The following VWA3B variants were observed in gnomAD, a reference collection of about 807,000 sequenced individuals.
VWA3B encodes the protein von Willebrand factor A domain containing 3B, also known as von Willebrand factor A domain-containing protein 3B.
In VWA3B, 138 loss-of-function variants were observed where a neutral mutation model predicts 158.3. That is an observed-to-expected ratio of 0.87 (90% CI 0.76 to 1.00). The LOEUF (loss-of-function observed/expected upper bound fraction) is 1.00. Ranked by LOEUF, VWA3B falls within the 50% of genes least tolerant of loss-of-function variation. The pLI is 0.00. For missense variants in VWA3B, 1,555 were observed against 1,565.1 expected, an observed-to-expected ratio of 0.99 and a Z score of 0.11; for synonymous variants, 596 against 587.3, an observed-to-expected ratio of 1.01 and a Z score of -0.21.
chr2:98,189,782 G>A (rs943242703), intron 10 of VWA3B, among the ~76,000 whole-genome samples: 2 of 152,086 alleles, frequency 1.3e-5, no homozygotes, highest in South Asian at 4.2e-4. Flanking sequence ...ATGTTCTCTC[G>A]ATGAACCAAC....
At chr2:98,275,984 A>G (rs758264256) in intron 22 of VWA3B, among the ~76,000 whole-genome samples, 24 of 152,242 alleles carry the variant, frequency 1.6e-4, no homozygotes, top group Non-Finnish European at 3.1e-4. Context: ...TAGTTTGTGC[A>G]GTGGCATCAC....
At chr2:98,174,492 C>G (rs1207341197) in intron 8 of VWA3B, among the ~76,000 whole-genome samples, 1 of 152,194 alleles carries the variant, frequency 6.6e-6, no homozygotes, top group African/African-American at 2.4e-5. Flanking sequence ...GTGGGAAAAG[C>G]CTTTTCCCTG....
At chr2:98,257,155 A>G (rs936487217) in intron 21 of VWA3B, among the ~76,000 whole-genome samples, 4 of 151,746 alleles carry the variant, frequency 2.6e-5, no homozygotes, top group African/African-American at 9.7e-5. Context: ...TTCTGCCTCC[A>G]TAAGATCAAC....
At chr2:98,256,914 A>G (rs1361106976) in intron 21 of VWA3B, among the ~76,000 whole-genome samples, 2 of 152,112 alleles carry the variant, frequency 1.3e-5, no homozygotes, top group Non-Finnish European at 2.9e-5. Flanking sequence ...ACTATCTATC[A>G]CCTCAAACAT....
At chr2:98,255,180 A>ATTTTTTTTTTTTTTTTTT (rs1302034902) in intron 20 of VWA3B, among the ~76,000 whole-genome samples, 4 of 65,898 alleles carry the variant, frequency 6.1e-5, no homozygotes, top group African/African-American at 2.6e-4. Context: ...CGCCCGGCTG[A>ATTTTTTTTTTTTTTTTTT]TATTTTTTTT....
At chr2:98,093,352 A>G (rs1682489462) in intron 2 of VWA3B, 64 bp downstream of exon 2, 2 of 1,546,820 alleles carry the variant, frequency 1.3e-6, no homozygotes. Context: ...TGGCTGCATC[A>G]GCTCTGAAGG....
intron 3 of VWA3B, among the ~76,000 whole-genome samples, chr2:98,118,210 G>T (rs1425959412): frequency 1.3e-5 from 2 of 152,108 alleles, no homozygotes; most frequent in Non-Finnish European, 2.9e-5. Flanking sequence ...CCTGTGATGT[G>T]CCCACCCTGG....
the VWA3B span, among the ~76,000 whole-genome samples, chr2:98,320,991 G>C: frequency 6.6e-6 from 1 of 152,180 alleles, no homozygotes; most frequent in Non-Finnish European, 1.5e-5. Context: ...AAATGGTTTT[G>C]TGGACTGGGC....
chr2:98,266,519 G>T (rs1317595370), intron 21 of VWA3B, among the ~76,000 whole-genome samples: 1 of 149,226 alleles, frequency 6.7e-6, no homozygotes, highest in African/African-American at 2.5e-5. Flanking sequence ...GGATTGACTT[G>T]GCGATGCGGG....
At chr2:98,216,982 A>ACTCC (rs1553417709) in intron 13 of VWA3B, 3 of 1,237,164 alleles carry the variant, frequency 2.4e-6, no homozygotes, top group African/African-American at 1.6e-5. Context: ...CATTGTAAGC[A>ACTCC]CCCGCCCCGC....
intron 7 of VWA3B, among the ~76,000 whole-genome samples, chr2:98,158,016 TC>T (rs1225623427): frequency 1.3e-5 from 2 of 152,170 alleles, no homozygotes; most frequent in South Asian, 2.1e-4. Flanking sequence ...GGAAATGACT[TC>T]GTGTTTTAAG....
At chr2:98,199,163 A>G (rs567933824) in intron 12 of VWA3B, among the ~76,000 whole-genome samples, 1 of 152,168 alleles carries the variant, frequency 6.6e-6, no homozygotes, top group East Asian at 1.9e-4. Flanking sequence ...TATTTCATGA[A>G]TCAAGAGTTT....
At chr2:98,200,243 G>A (rs1256483353) in intron 12 of VWA3B, among the ~76,000 whole-genome samples, 1 of 152,074 alleles carries the variant, frequency 6.6e-6, no homozygotes, top group African/African-American at 2.4e-5. Flanking sequence ...GCGCGGATAT[G>A]GATAATAGCT....
chr2:98,305,681 C>CACA (rs1690479506), intron 26 of VWA3B, among the ~76,000 whole-genome samples: 1 of 152,128 alleles, frequency 6.6e-6, no homozygotes, highest in African/African-American at 2.4e-5. Flanking sequence ...CGGAGCTGTC[C>CACA]AGCCAGAAAT....
At position 98,229,381 on chromosome 2, in the gene VWA3B, G is replaced by C. The variant is rs549189786; in HGVS notation, c.2151-669G>C. ...CCCGGGGCAGGTGCTCCACGGAGGC[G>C]TCGAGGGGCAGTGGTGCAGGAGGGA... On this transcript the variant is annotated intron_variant, in intron 15 of 27. Coordinates refer to ENST00000477737, the MANE Select transcript of VWA3B (RefSeq NM_144992.5). Among the ~76,000 whole-genome samples, 37 of 152,358 alleles carry C rather than the reference G, an allele frequency of 2.4e-4. No individual in the cohort carries two copies. In the South Asian group the frequency reaches 7.7e-3, roughly 32 times the overall value.
At chr2:98,208,803 T>A (rs940381422) in intron 12 of VWA3B, among the ~76,000 whole-genome samples, 3 of 152,240 alleles carry the variant, frequency 2.0e-5, no homozygotes, top group African/African-American at 7.2e-5. Context: ...TTAAGGATTA[T>A]CTATTATGCT....
At chr2:98,246,497 C>T (rs765037538) in intron 19 of VWA3B, among the ~76,000 whole-genome samples, 1 of 152,110 alleles carries the variant, frequency 6.6e-6, no homozygotes, top group Non-Finnish European at 1.5e-5. Context: ...CTTGCCTCAG[C>T]CTCCCAGGCA....
At chr2:98,269,665 A>G (rs1274857291) in intron 21 of VWA3B, among the ~76,000 whole-genome samples, 2 of 151,932 alleles carry the variant, frequency 1.3e-5, no homozygotes, top group Admixed American at 1.3e-4. Context: ...AAGCTTTCTT[A>G]CTCTCCTTCA....
chr2:98,266,897 G>T (rs1457275659), intron 21 of VWA3B, among the ~76,000 whole-genome samples: 2 of 148,370 alleles, frequency 1.3e-5, no homozygotes, highest in Non-Finnish European at 3.0e-5. Flanking sequence ...CATTGATTTT[G>T]TATCCTGAGA....
Sources: allele counts gnomAD v4.1 joint callset (sites outside exome capture counted in the v4.1 genomes callset), GRCh38; gene constraint gnomAD v4.1.1; transcripts MANE v1.5; gene names NCBI Gene and HGNC (gene_info 2026-07-23, HGNC 2026-07-21).